Variants in CRADD observed in about 807,000 individuals in gnomAD.
The protein encoded by CRADD is death domain-containing protein CRADD.
Under a neutral mutation model 15.5 loss-of-function variants are expected in CRADD, and 9 were observed. The ratio of observed to expected loss-of-function variants is 0.58; its 90% CI spans 0.35 to 1.01. CRADD has a LOEUF of 1.01. CRADD is among the 50% of genes least tolerant of loss of function. The pLI is 0.02. For missense variants in CRADD, 227 were observed against 250.3 expected, an observed-to-expected ratio of 0.91 and a Z score of 0.63; for synonymous variants, 118 against 107.6, an observed-to-expected ratio of 1.10 and a Z score of -0.60.
intron 2 of CRADD, among the ~76,000 whole-genome samples, chr12:93,818,973 G>A (rs1466265112): frequency 6.6e-6 from 1 of 152,244 alleles, no homozygotes; most frequent in African/African-American, 2.4e-5. Flanking sequence ...AAGATCAGCA[G>A]CAAGAAAGAA....
chr12:93,681,170 C>T (rs1955287616), intron 2 of CRADD, among the ~76,000 whole-genome samples: 1 of 152,158 alleles, frequency 6.6e-6, no homozygotes, highest in South Asian at 2.1e-4. Context: ...AGGCGTGAGC[C>T]ACCATGCTCG....
chr12:93,893,634 A>C (rs1354476646), intron 2 of CRADD, among the ~76,000 whole-genome samples: 1 of 152,208 alleles, frequency 6.6e-6, no homozygotes, highest in African/African-American at 2.4e-5. Context: ...GGCTGGGCGC[A>C]GTGGCTCATG....
At chr12:93,810,873 G>A (rs754580432) in intron 2 of CRADD, among the ~76,000 whole-genome samples, 4 of 152,224 alleles carry the variant, frequency 2.6e-5, no homozygotes, top group Non-Finnish European at 5.9e-5. Flanking sequence ...ATGCCAGACT[G>A]AGAATGAGAA....
At chr12:93,849,740 CAAAAAAAAAA>C (rs77041843) in intron 2 of CRADD, among the ~76,000 whole-genome samples, 1 of 62,254 alleles carries the variant, frequency 1.6e-5, no homozygotes, top group Non-Finnish European at 3.5e-5. Flanking sequence ...AACACCGTCT[CAAAAAAAAAA>C]AAAAAAAAAG....
intron 2 of CRADD, among the ~76,000 whole-genome samples, chr12:93,784,512 A>T (rs1268178312): frequency 6.6e-6 from 1 of 152,072 alleles, no homozygotes; most frequent in Non-Finnish European, 1.5e-5. Context: ...GTCTCCAAGC[A>T]CCAGCAGAAT....
chr12:93,764,560 A>G (rs537578644), intron 2 of CRADD, among the ~76,000 whole-genome samples: 91 of 151,338 alleles, frequency 6.0e-4, no homozygotes, highest in African/African-American at 2.1e-3. Context: ...ACATTTCTTC[A>G]TGCTCTTTCT....
intron 2 of CRADD, among the ~76,000 whole-genome samples, chr12:93,694,382 T>A (rs967563161): frequency 6.6e-6 from 1 of 152,144 alleles, no homozygotes. Flanking sequence ...AGTGGAAAAC[T>A]GAAAGCTTTT....
At chr12:93,772,967 TAAA>T (rs1957100415) in intron 2 of CRADD, among the ~76,000 whole-genome samples, 1 of 152,158 alleles carries the variant, frequency 6.6e-6, no homozygotes, top group South Asian at 2.1e-4. Context: ...TCCCAAAAAA[TAAA>T]GAAGATGAAC....
rs114722675 is a variant in CRADD at position 93,787,215 on chromosome 12, A to C, written c.299-62755A>C. Among the ~76,000 whole-genome samples, 408 of 145,338 alleles carry C rather than the reference A, an allele frequency of 2.8e-3. 1 individual carries two copies. Among genetic ancestry groups the C allele is most frequent in the African/African-American group, 1.0e-2 (385 of 38,576 alleles). ...GTCAGGGACTGGCCAAGAGTTGTTC[A>C]TCACTAAGTCAGCCTCATGGGTGGT... On this transcript the variant is annotated intron_variant, in intron 2 of 2. Transcript: ENST00000332896.
intron 2 of CRADD, among the ~76,000 whole-genome samples, chr12:93,728,993 A>G (rs1956417484): frequency 6.6e-6 from 1 of 152,210 alleles, no homozygotes; most frequent in Non-Finnish European, 1.5e-5. Context: ...GTTTGGGGCC[A>G]GTTATATTTC....
At chr12:93,705,430 G>T (rs1018048652) in intron 2 of CRADD, among the ~76,000 whole-genome samples, 4 of 152,158 alleles carry the variant, frequency 2.6e-5, no homozygotes, top group African/African-American at 9.7e-5. Flanking sequence ...AGTTTTCTGT[G>T]CTCTAGGGAC....
chr12:93,833,777 C>G (rs1957939184), intron 2 of CRADD, among the ~76,000 whole-genome samples: 1 of 151,748 alleles, frequency 6.6e-6, no homozygotes, highest in African/African-American at 2.4e-5. Context: ...TTTTCCCCCT[C>G]TATGGTTAAG....
At chr12:93,756,354 A>G (rs1956889964) in intron 2 of CRADD, among the ~76,000 whole-genome samples, 1 of 152,234 alleles carries the variant, frequency 6.6e-6, no homozygotes, top group Non-Finnish European at 1.5e-5. Flanking sequence ...TTAAGCCATG[A>G]TCCAGTGAAT....
At chr12:93,805,975 A>C (rs1317259228) in intron 2 of CRADD, among the ~76,000 whole-genome samples, 1 of 152,186 alleles carries the variant, frequency 6.6e-6, no homozygotes, top group Non-Finnish European at 1.5e-5. Flanking sequence ...TGAAGGAAAG[A>C]AGAACAATAT....
intron 2 of CRADD, among the ~76,000 whole-genome samples, chr12:93,696,980 C>G (rs2136826484): frequency 6.6e-6 from 1 of 152,252 alleles, no homozygotes; most frequent in South Asian, 2.1e-4. Context: ...TAGTGGGGGC[C>G]TGTAGTCCCC....
chr12:93,711,055 C>CCCCCCCCTTTTTTT, intron 2 of CRADD, among the ~76,000 whole-genome samples: 2 of 43,506 alleles, frequency 4.6e-5, no homozygotes, highest in Non-Finnish European at 8.8e-5. Context: ...CCACCCCCGC[C>CCCCCCCCTTTTTTT]TTTTTTTTTT....
At chr12:93,887,157 G>A (rs1958543404) in intron 2 of CRADD, among the ~76,000 whole-genome samples, 1 of 152,108 alleles carries the variant, frequency 6.6e-6, no homozygotes, top group African/African-American at 2.4e-5. Context: ...AAATCTGTGG[G>A]GAAATATGAG....
chr12:93,861,560 G>C lies in CRADD; in HGVS notation c.299-32490G>C, dbSNP rs140832364. On this transcript the variant is annotated intron_variant, in intron 2 of 2. Coordinates refer to the CRADD transcript ENST00000548483. ...CCCCTGCCTGGAGGCTTGTTAGTGA[G>C]GGCTACAAAGGCCTGGCCCTGCACC... Among the ~76,000 whole-genome samples the C allele has an allele frequency of 4.8e-4, 73 of 152,292 alleles. No individual in the cohort carries two copies. The East Asian group carries it at 0.01, about 21-fold the overall frequency.
At chr12:93,851,130 T>C (rs1332930020), downstream of CRADD, among the ~76,000 whole-genome samples, 1 of 152,256 alleles carries the variant, frequency 6.6e-6, no homozygotes, top group African/African-American at 2.4e-5. Flanking sequence ...TTTAGTCTTC[T>C]GTCCTTTTAT....
Sources: gnomAD v4.1 joint callset for allele counts (sites outside exome capture counted in the v4.1 genomes callset) on GRCh38, gnomAD v4.1.1 for gene constraint, MANE v1.5 for transcripts, NCBI Gene and HGNC (gene_info 2026-07-23, HGNC 2026-07-21) for gene names.